Variants in CDK8 observed in about 807,000 individuals in gnomAD.
The protein encoded by CDK8 is cyclin dependent kinase 8, also known as cyclin-dependent kinase 8.
Under a neutral mutation model 71.5 loss-of-function variants are expected in CDK8, and 29 were observed. The ratio of observed to expected loss-of-function variants is 0.41; its 90% CI spans 0.30 to 0.55. CDK8 has a LOEUF of 0.55. Among genes scored for constraint, CDK8 ranks in the 20% least tolerant of loss-of-function variants. The pLI is 0.37. For synonymous variants in CDK8, 161 were observed against 192.1 expected (o/e 0.84, Z 1.34); for missense variants, 288 against 572.6 (o/e 0.50, Z 5.07).
At chr13:26,366,361 T>C (rs1174049844) in intron 4 of CDK8, among the ~76,000 whole-genome samples, 3 of 152,168 alleles carry the variant, frequency 2.0e-5, no homozygotes, top group Non-Finnish European at 2.9e-5. Flanking sequence ...ATAAATTTTG[T>C]TTGAATCAAC....
At chr13:26,263,151 T>G (rs1055498457) in intron 1 of CDK8, among the ~76,000 whole-genome samples, 5 of 152,188 alleles carry the variant, frequency 3.3e-5, no homozygotes, top group African/African-American at 1.2e-4. Context: ...CGGTTTTTTT[T>G]TTGAGACGGA....
chr13:26,345,380 G>T (rs924827665), intron 2 of CDK8, among the ~76,000 whole-genome samples: 8 of 151,822 alleles, frequency 5.3e-5, no homozygotes, highest in Non-Finnish European at 1.0e-4. Flanking sequence ...GAAGTAGATT[G>T]GTTTTTGTTT....
intron 6 of CDK8, among the ~76,000 whole-genome samples, chr13:26,391,174 T>C (rs769302574): frequency 2.0e-5 from 3 of 152,010 alleles, no homozygotes; most frequent in Non-Finnish European, 4.4e-5. Flanking sequence ...ATAGCAGTTA[T>C]AAAGACAGAA....
intron 4 of CDK8, among the ~76,000 whole-genome samples, chr13:26,371,833 G>A (rs375529047): frequency 1.3e-5 from 2 of 152,032 alleles, no homozygotes; most frequent in Non-Finnish European, 2.9e-5. Flanking sequence ...GGTCAGGCTG[G>A]TCTCGAAATC....
intron 1 of CDK8, among the ~76,000 whole-genome samples, chr13:26,332,504 A>AT (rs1872799854): frequency 9.6e-6 from 1 of 103,924 alleles, no homozygotes; most frequent in African/African-American, 2.9e-5. Flanking sequence ...TATATATATA[A>AT]AATCATATCA....
chr13:26,356,493 T>C (rs143216812), intron 4 of CDK8, among the ~76,000 whole-genome samples: 295 of 152,334 alleles, frequency 1.9e-3, no homozygotes, highest in African/African-American at 6.8e-3. Flanking sequence ...AGAAGTCCAC[T>C]GAACCATTGT....
At chr13:26,271,427 A>T (rs1464553607) in intron 1 of CDK8, among the ~76,000 whole-genome samples, 1 of 152,172 alleles carries the variant, frequency 6.6e-6, no homozygotes, top group Non-Finnish European at 1.5e-5. Flanking sequence ...ATTGACTATT[A>T]TAGGCACTTG....
At position 26,269,430 on chromosome 13, in the gene CDK8, C is replaced by T. The variant is rs187777512; in HGVS notation, c.128+14661C>T. Among the ~76,000 whole-genome samples, 53 of 152,240 alleles carry T rather than the reference C, an allele frequency of 3.5e-4. 1 individual carries two copies. The highest frequency in any genetic ancestry group is 6.5e-5 in the Admixed American group (1 of 15,300). On this transcript the variant is annotated intron_variant, in intron 1 of 12. Coordinates refer to ENST00000381527, the MANE Select transcript of CDK8 (RefSeq NM_001260.3). ...AGTGTTTTAGCCAAGACTAGCTGAC[C>T]TCTGCAGATCCCCTTTAAGTTTGTG...
intron 4 of CDK8, among the ~76,000 whole-genome samples, chr13:26,376,379 T>G (rs931735971): frequency 2.0e-5 from 3 of 152,216 alleles, no homozygotes; most frequent in African/African-American, 7.2e-5. Flanking sequence ...TCTTTCTTAC[T>G]TGACTCATTA....
At chr13:26,359,685 A>G in intron 4 of CDK8, 2 of 408,884 alleles carry the variant, frequency 4.9e-6, no homozygotes, top group Non-Finnish European at 4.9e-6. Flanking sequence ...AGACAACTTC[A>G]CTAACTGCAG....
chr13:26,306,622 CTTTTTTTTTTT>C (rs554661537), intron 1 of CDK8, among the ~76,000 whole-genome samples: 4 of 126,730 alleles, frequency 3.2e-5, no homozygotes, highest in Admixed American at 2.4e-4. Context: ...CCTTATTGCT[CTTTTTTTTTTT>C]TTTTTTTTTC....
intron 2 of CDK8, among the ~76,000 whole-genome samples, chr13:26,343,831 G>T (rs1873346963): frequency 6.6e-6 from 1 of 151,680 alleles, no homozygotes; most frequent in Non-Finnish European, 1.5e-5. Flanking sequence ...AATACACATT[G>T]TACACCTGTA....
intron 2 of CDK8, among the ~76,000 whole-genome samples, chr13:26,346,560 G>A (rs1873468832): frequency 6.6e-6 from 1 of 152,202 alleles, no homozygotes; most frequent in South Asian, 2.1e-4. Context: ...GACTACCTTA[G>A]CACGAGCTTT....
chr13:26,343,600 C>G (rs1478403788), intron 2 of CDK8, among the ~76,000 whole-genome samples: 6 of 152,082 alleles, frequency 3.9e-5, no homozygotes, highest in Non-Finnish European at 7.4e-5. Context: ...ATGAATGGGG[C>G]TTGCAGGTCT....
chr13:26,389,630 C>T (rs1593307825), intron 6 of CDK8, among the ~76,000 whole-genome samples: 1 of 152,098 alleles, frequency 6.6e-6, no homozygotes, highest in East Asian at 1.9e-4. Flanking sequence ...CAAGATCAGT[C>T]TTGGGGAACA....
At chr13:26,314,594 T>TTCA (rs1412262372) in intron 1 of CDK8, among the ~76,000 whole-genome samples, 3 of 152,238 alleles carry the variant, frequency 2.0e-5, no homozygotes, top group Non-Finnish European at 2.9e-5. Context: ...TATGTATGTT[T>TTCA]TCATCTTGAG....
At chr13:26,291,721 A>C (rs1873314372) in intron 1 of CDK8, among the ~76,000 whole-genome samples, 1 of 152,204 alleles carries the variant, frequency 6.6e-6, no homozygotes, top group African/African-American at 2.4e-5. Flanking sequence ...ATCATGGTAC[A>C]TGAATGATTT....
Position 26,275,909 on chromosome 13 carries a change from C to A in CDK8, c.128+21140C>A, listed in dbSNP as rs1872545153. On this transcript the variant is annotated intron_variant, in intron 1 of 12. Transcript: ENST00000381527. ...GAGACAGTCTCACTCTGTCGCCAGG[C>A]TGGAGTGCCGTGGCACAATCTTGGC... 2.0e-5 allele frequency among the ~76,000 whole-genome samples: 3 copies of A among 152,266 alleles called. No homozygotes were observed. In the East Asian group the frequency reaches 5.8e-4, roughly 29 times the overall value.
chr13:26,321,693 A>G (rs1477294931), intron 1 of CDK8, among the ~76,000 whole-genome samples: 2 of 152,170 alleles, frequency 1.3e-5, no homozygotes, highest in African/African-American at 4.8e-5. Flanking sequence ...GTGGGCAGTC[A>G]GTGAGCTAAG....
Sources: allele counts gnomAD v4.1 joint callset (sites outside exome capture counted in the v4.1 genomes callset), GRCh38; gene constraint gnomAD v4.1.1; transcripts MANE v1.5; gene names NCBI Gene and HGNC (gene_info 2026-07-23, HGNC 2026-07-21).